FHIP1A: variants seen among roughly 807,000 people sequenced by gnomAD.
The protein encoded by FHIP1A is FHF complex subunit HOOK-interacting protein 1A.
Under a neutral mutation model 88.6 loss-of-function variants are expected in FHIP1A, and 61 were observed. That is an observed-to-expected ratio of 0.69 (90% CI 0.56 to 0.85). The LOEUF is 0.85. FHIP1A is among the 40% of genes least tolerant of loss of function. FHIP1A has a pLI of 0.00. For missense variants in FHIP1A, 1,154 were observed against 1,273.5 expected, an observed-to-expected ratio of 0.91 and a Z score of 1.43; for synonymous variants, 478 against 496.0, an observed-to-expected ratio of 0.96 and a Z score of 0.48.
intron 7 of FHIP1A, among the ~76,000 whole-genome samples, chr4:151,608,337 G>A (rs550060195): frequency 2.4e-4 from 37 of 151,964 alleles, no homozygotes; most frequent in African/African-American, 8.2e-4. Context: ...GAGGCACCAC[G>A]TCCGACCCCT....
intron 2 of FHIP1A, among the ~76,000 whole-genome samples, chr4:151,477,126 G>T (rs1311236738): frequency 6.6e-6 from 1 of 152,076 alleles, no homozygotes; most frequent in Non-Finnish European, 1.5e-5. Flanking sequence ...TGGTTCTATG[G>T]TCATTTGGAA....
intron 1 of FHIP1A, among the ~76,000 whole-genome samples, chr4:151,433,959 T>C (rs796486687): frequency 3.9e-5 from 6 of 152,322 alleles, no homozygotes; most frequent in African/African-American, 1.4e-4. Context: ...TTCCGTCATA[T>C]CTTTCAGTGT....
intron 3 of FHIP1A, among the ~76,000 whole-genome samples, chr4:151,523,727 T>C (rs1376800713): frequency 3.3e-5 from 5 of 152,226 alleles, no homozygotes; most frequent in African/African-American, 1.2e-4. Context: ...ATCAAGAACC[T>C]TCTCAATATG....
At position 151,656,365 on chromosome 4, in the gene FHIP1A, C is replaced by T; in HGVS notation, c.2685C>T (p.Leu895=). ...AGCCACTCCTGCGCTCCTTTCTGCT[C>T]AACACCAACATGGTCTTCCAGCCAA... ...YPQPLLRSFL[L]NTNMVFQPSV... is the part of the protein sequence containing the mutation. The change falls in exon 12 of 14, where the codon CTC becomes CTT. Residue 895 remains leucine, a synonymous_variant. Transcript: ENST00000435205. This position sits in a 1 kb window ranked among gnomAD's most constrained non-coding sequence, Gnocchi z 4.2. 6.4e-7 allele frequency: 1 copy of T among 1,551,760 alleles called. No individual in the cohort carries two copies. Among genetic ancestry groups the T allele is most frequent in the South Asian group, 1.2e-5 (1 of 84,060 alleles).
chr4:151,573,436 G>A (rs1047521861), intron 4 of FHIP1A, among the ~76,000 whole-genome samples: 7 of 152,184 alleles, frequency 4.6e-5, no homozygotes, highest in African/African-American at 1.2e-4. Flanking sequence ...AGGTGTTGAG[G>A]TGTTGATTAG....
intron 3 of FHIP1A, among the ~76,000 whole-genome samples, chr4:151,564,839 A>G (rs569147463): frequency 2.6e-5 from 4 of 152,252 alleles, no homozygotes; most frequent in Non-Finnish European, 4.4e-5. Context: ...TTATGTCCCA[A>G]AAATTCTTTC....
Position 151,511,577 on chromosome 4 carries a change from C to T in FHIP1A, c.-123+28929C>T, listed in dbSNP as rs899369769. On this transcript the variant is annotated intron_variant, in intron 3 of 13. Coordinates refer to ENST00000435205, the MANE Select transcript of FHIP1A (RefSeq NM_001109977.3). ...GGCACCTGGAAAATCGGGTCACTCC[C>T]ACCCTAATACTGCGCTTTTCCCATG... 3.3e-5 allele frequency among the ~76,000 whole-genome samples: 5 copies of T among 152,336 alleles called. No individual in the cohort carries two copies. The East Asian group carries it at 9.7e-4, about 29-fold the overall frequency.
At position 151,668,825 on chromosome 4, in the gene FHIP1A, A is replaced by G. The variant is rs1737756832; in HGVS notation, c.*6071A>G. ...ACCTCCTCCCCAGGCAACAGAACAC[A>G]GGGTTTGGGCCTGACCAGGCAGAGC... On this transcript the variant is annotated 3_prime_UTR_variant, in exon 14 of 14. Coordinates refer to ENST00000435205, the MANE Select transcript of FHIP1A (RefSeq NM_001109977.3). Among the ~76,000 whole-genome samples the G allele has an allele frequency of 6.6e-6, 1 of 152,176 alleles. No homozygotes were observed. The highest frequency in any genetic ancestry group is 1.5e-5 in the Non-Finnish European group (1 of 68,026).
At chr4:151,461,128 G>A (rs1729129745) in intron 2 of FHIP1A, among the ~76,000 whole-genome samples, 1 of 152,164 alleles carries the variant, frequency 6.6e-6, no homozygotes, top group Non-Finnish European at 1.5e-5. Flanking sequence ...AATAATGATA[G>A]CATGTTGGAG....
intron 1 of FHIP1A, among the ~76,000 whole-genome samples, chr4:151,423,482 G>A (rs1477486599): frequency 6.6e-6 from 1 of 152,028 alleles, no homozygotes; most frequent in Non-Finnish European, 1.5e-5. Context: ...ATGCAATTTG[G>A]GTGCAAATAT....
intron 2 of FHIP1A, among the ~76,000 whole-genome samples, chr4:151,468,302 A>G (rs1729397698): frequency 1.3e-5 from 2 of 151,656 alleles, no homozygotes; most frequent in African/African-American, 2.4e-5. Flanking sequence ...AAAAAAAAAA[A>G]AAAAAAGAAT....
At chr4:151,428,372 A>C (rs1398515719) in intron 1 of FHIP1A, among the ~76,000 whole-genome samples, 1 of 152,158 alleles carries the variant, frequency 6.6e-6, no homozygotes, top group Admixed American at 6.6e-5. Context: ...AAACCAAAGC[A>C]TTATCTCTAA....
At chr4:151,430,488 A>G (rs928568850) in intron 1 of FHIP1A, among the ~76,000 whole-genome samples, 3 of 152,236 alleles carry the variant, frequency 2.0e-5, no homozygotes, top group Non-Finnish European at 4.4e-5. Flanking sequence ...AGCTGCCAGC[A>G]CTTATCCTTT....
chr4:151,562,805 A>G (rs2126765952), intron 3 of FHIP1A, among the ~76,000 whole-genome samples: 3 of 152,306 alleles, frequency 2.0e-5, no homozygotes, highest in Middle Eastern at 6.8e-3. Flanking sequence ...TAGCTGTCCA[A>G]ATAGTCTGAA....
intron 7 of FHIP1A, among the ~76,000 whole-genome samples, chr4:151,590,586 A>T (rs966276227): frequency 3.9e-5 from 6 of 152,200 alleles, no homozygotes; most frequent in Non-Finnish European, 7.3e-5. Flanking sequence ...ATATTATCAC[A>T]TGTGTTTTAT....
At chr4:151,532,832 A>C (rs1369651479) in intron 3 of FHIP1A, among the ~76,000 whole-genome samples, 1 of 152,108 alleles carries the variant, frequency 6.6e-6, no homozygotes, top group Non-Finnish European at 1.5e-5. Context: ...GCAGCAAGAG[A>C]AAATGAAGAA....
intron 2 of FHIP1A, among the ~76,000 whole-genome samples, chr4:151,455,296 G>A (rs1222689125): frequency 1.3e-5 from 2 of 152,168 alleles, no homozygotes; most frequent in African/African-American, 4.8e-5. Flanking sequence ...AGTCTTCAGT[G>A]TCACTGTAAT....
At chr4:151,544,547 G>C (rs1344772061) in intron 3 of FHIP1A, among the ~76,000 whole-genome samples, 1 of 152,172 alleles carries the variant, frequency 6.6e-6, no homozygotes, top group East Asian at 1.9e-4. Context: ...ACTGGAGGGA[G>C]TGTGAAGATG....
chr4:151,589,619 A>G (rs985435082), intron 7 of FHIP1A, among the ~76,000 whole-genome samples: 1 of 152,208 alleles, frequency 6.6e-6, no homozygotes, highest in African/African-American at 2.4e-5. Context: ...TCATACCTCT[A>G]GCAGAGACAG....
Sources: gnomAD v4.1 joint callset for allele counts (sites outside exome capture counted in the v4.1 genomes callset) on GRCh38, gnomAD v4.1.1 for gene constraint, Gnocchi (gnomAD v3.1) non-coding constraint, MANE v1.5 for transcripts, NCBI Gene and HGNC (gene_info 2026-07-23, HGNC 2026-07-21) for gene names.